PDE1A: variants seen among roughly 807,000 people sequenced by gnomAD.
PDE1A encodes the protein dual specificity calcium/calmodulin-dependent 3',5'-cyclic nucleotide phosphodiesterase 1A.
A neutral mutation model predicts 61.7 loss-of-function variants in PDE1A; 35 were observed. The ratio of observed to expected loss-of-function variants is 0.57; its 90% CI spans 0.43 to 0.75. The LOEUF is 0.75. Among genes scored for constraint, PDE1A ranks in the 30% least tolerant of loss-of-function variants. The pLI, the probability that PDE1A is intolerant of heterozygous loss-of-function variation, is 0.00. For missense variants in PDE1A, 597 were observed against 630.6 expected (o/e 0.95, Z 0.57); for synonymous variants, 232 against 213.2 (o/e 1.09, Z -0.77).
intron 1 of PDE1A, among the ~76,000 whole-genome samples, chr2:182,308,123 GACA>G (rs1332556257): frequency 1.3e-5 from 2 of 152,178 alleles, no homozygotes; most frequent in East Asian, 1.9e-4. Flanking sequence ...AGGCCTTGTT[GACA>G]ACATTATTCT....
chr2:182,658,080 A>AAC, the PDE1A span, among the ~76,000 whole-genome samples: 9 of 148,856 alleles, frequency 6.0e-5, no homozygotes, highest in South Asian at 8.7e-4. Context: ...AAACAAAAAA[A>AAC]CTTTTCTTCC....
the PDE1A span, among the ~76,000 whole-genome samples, chr2:182,528,455 A>C: frequency 1.3e-5 from 2 of 152,250 alleles, no homozygotes; most frequent in Non-Finnish European, 2.9e-5. Flanking sequence ...TGTTAAAAGC[A>C]TTCAGTTTTA....
chr2:182,472,477 G>A (rs1054955954), intron 2 of PDE1A, among the ~76,000 whole-genome samples: 8 of 151,828 alleles, frequency 5.3e-5, no homozygotes, highest in Admixed American at 2.6e-4. Flanking sequence ...AATACTAAAC[G>A]TTCTCCTCAT....
intron 1 of PDE1A, among the ~76,000 whole-genome samples, chr2:182,382,281 A>G (rs1340426945): frequency 6.6e-6 from 1 of 152,236 alleles, no homozygotes; most frequent in Non-Finnish European, 1.5e-5. Context: ...AGAGCAAATA[A>G]GAAAGATATA....
At chr2:182,389,147 T>A (rs573852705) in intron 1 of PDE1A, among the ~76,000 whole-genome samples, 4 of 152,274 alleles carry the variant, frequency 2.6e-5, no homozygotes, top group African/African-American at 9.6e-5. Context: ...ATTAAGTCCA[T>A]CCCTAAAGAA....
At chr2:182,156,781 C>A (rs945214320) in intron 13 of PDE1A, among the ~76,000 whole-genome samples, 1 of 151,838 alleles carries the variant, frequency 6.6e-6, no homozygotes, top group Non-Finnish European at 1.5e-5. Flanking sequence ...AGTCCTATAC[C>A]CGTGGGGATT....
chr2:182,473,117 C>A (rs550487507), intron 2 of PDE1A, among the ~76,000 whole-genome samples: 3 of 151,646 alleles, frequency 2.0e-5, no homozygotes, highest in Admixed American at 6.6e-5. Context: ...ATCCCTCCCC[C>A]CTCAACCCCA....
At chr2:182,705,543 T>C in the PDE1A span, among the ~76,000 whole-genome samples, 1 of 151,978 alleles carries the variant, frequency 6.6e-6, no homozygotes, top group African/African-American at 2.4e-5. Context: ...TCTCGCTCTG[T>C]CACCAAGGCT....
At chr2:182,693,222 A>G in the PDE1A span, among the ~76,000 whole-genome samples, 1 of 152,222 alleles carries the variant, frequency 6.6e-6, no homozygotes, top group African/African-American at 2.4e-5. Flanking sequence ...CCATTTATCT[A>G]TATTACCCAA....
chr2:182,281,208 T>G (rs1405530901), intron 1 of PDE1A, among the ~76,000 whole-genome samples: 20 of 151,996 alleles, frequency 1.3e-4, no homozygotes, highest in Admixed American at 1.3e-3. Context: ...TTTTGTGTTT[T>G]CATCAGTTAC....
chr2:182,297,048 G>A (rs970973931), intron 1 of PDE1A, among the ~76,000 whole-genome samples: 8 of 151,980 alleles, frequency 5.3e-5, no homozygotes, highest in Non-Finnish European at 2.9e-5. Flanking sequence ...GCAGATCTTG[G>A]GACTTCTCAG....
intron 2 of PDE1A, among the ~76,000 whole-genome samples, chr2:182,477,911 G>A (rs1687472286): frequency 1.3e-5 from 2 of 151,834 alleles, no homozygotes; most frequent in Admixed American, 6.6e-5. Context: ...AGGACTGGGG[G>A]ATCTTCATTC....
intron 1 of PDE1A, among the ~76,000 whole-genome samples, chr2:182,346,987 G>A (rs757564042): frequency 6.6e-6 from 1 of 152,126 alleles, no homozygotes. Flanking sequence ...TAAAGAAGTA[G>A]ACTATTAAGA....
chr2:182,193,208 G>T (rs1230067513), intron 10 of PDE1A, among the ~76,000 whole-genome samples: 1 of 151,884 alleles, frequency 6.6e-6, no homozygotes, highest in Non-Finnish European at 1.5e-5. Context: ...GGTTGGTCTC[G>T]AACTCCTGAC....
chr2:182,332,484 A>T (rs1452358463), intron 1 of PDE1A, among the ~76,000 whole-genome samples: 1 of 151,942 alleles, frequency 6.6e-6, no homozygotes, highest in African/African-American at 2.4e-5. Context: ...CCTCATCTTC[A>T]TGGATTTAAC....
chr2:182,211,448 T>C (rs1687592962), intron 7 of PDE1A, among the ~76,000 whole-genome samples: 1 of 152,226 alleles, frequency 6.6e-6, no homozygotes, highest in African/African-American at 2.4e-5. Context: ...AGTTAGGTAG[T>C]GTCAGTCCTC....
At chr2:182,373,684 A>G (rs1258322554) in intron 1 of PDE1A, among the ~76,000 whole-genome samples, 1 of 152,200 alleles carries the variant, frequency 6.6e-6, no homozygotes, top group African/African-American at 2.4e-5. Context: ...AGCAGTGAAG[A>G]AGGAGAAAGG....
chr2:182,348,066 C>T (rs2125082419), intron 1 of PDE1A, among the ~76,000 whole-genome samples: 1 of 152,210 alleles, frequency 6.6e-6, no homozygotes, highest in Non-Finnish European at 1.5e-5. Flanking sequence ...TTAAACTCAC[C>T]CATACTATGC....
chr2:182,394,992 C>T (rs1373918530), intron 1 of PDE1A, among the ~76,000 whole-genome samples: 14 of 152,210 alleles, frequency 9.2e-5, no homozygotes, highest in Admixed American at 9.2e-4. Flanking sequence ...GTTCGTTGTG[C>T]AGAAGACAGA....
Sources: gnomAD v4.1 joint callset for allele counts (sites outside exome capture counted in the v4.1 genomes callset) on GRCh38, gnomAD v4.1.1 for gene constraint, MANE v1.5 for transcripts, NCBI Gene and HGNC (gene_info 2026-07-23, HGNC 2026-07-21) for gene names.